Variants in CSRNP3 observed in about 807,000 individuals in gnomAD.
CSRNP3 encodes the protein cysteine/serine-rich nuclear protein 3.
A neutral mutation model predicts 48.0 loss-of-function variants in CSRNP3; 12 were observed. The ratio of observed to expected loss-of-function variants is 0.25; its 90% CI spans 0.16 to 0.41. The LOEUF (loss-of-function observed/expected upper bound fraction) is 0.41, where lower values mean the gene tolerates loss of function less well. Among genes scored for constraint, CSRNP3 ranks in the 10% least tolerant of loss-of-function variants. The pLI, the probability that CSRNP3 is intolerant of heterozygous loss-of-function variation, is 1.00. For synonymous variants in CSRNP3, 263 were observed against 269.7 expected (o/e 0.98, Z 0.24); for missense variants, 580 against 724.4 (o/e 0.80, Z 2.29).
chr2:165,599,784 T>C (rs889227008), intron 4 of CSRNP3, among the ~76,000 whole-genome samples: 1 of 147,270 alleles, frequency 6.8e-6, no homozygotes, highest in African/African-American at 2.4e-5. Flanking sequence ...TCAATGTTTA[T>C]AAACTTTCAG....
chr2:165,621,562 T>C (rs1490708856), intron 4 of CSRNP3, among the ~76,000 whole-genome samples: 2 of 152,168 alleles, frequency 1.3e-5, no homozygotes, highest in Non-Finnish European at 2.9e-5. Context: ...ATATTACTTT[T>C]TAAAAGGAGT....
chr2:165,624,688 C>G (rs1686398770), intron 4 of CSRNP3, among the ~76,000 whole-genome samples: 1 of 152,124 alleles, frequency 6.6e-6, no homozygotes, highest in South Asian at 2.1e-4. Flanking sequence ...GAAAGCAAAG[C>G]ACACTGAGGT....
chr2:165,608,084 A>T (rs1356884484), intron 4 of CSRNP3, among the ~76,000 whole-genome samples: 6 of 150,086 alleles, frequency 4.0e-5, no homozygotes, highest in Non-Finnish European at 3.0e-5. Context: ...TATATATATT[A>T]TATATATATA....
chr2:165,564,619 C>A (rs1685275110), intron 3 of CSRNP3, among the ~76,000 whole-genome samples: 1 of 151,712 alleles, frequency 6.6e-6, no homozygotes, highest in African/African-American at 2.4e-5. Context: ...TTTTTCTATA[C>A]CTATTAGGTG....
At chr2:165,658,131 G>C in intron 5 of CSRNP3, 111 bp downstream of exon 5, 1 of 1,213,686 alleles carries the variant, frequency 8.2e-7, no homozygotes, top group Non-Finnish European at 1.1e-6. Context: ...TTACATAACA[G>C]ACTGCTTGCT....
chr2:165,544,385 A>C (rs73029825), intron 3 of CSRNP3, among the ~76,000 whole-genome samples: 1,752 of 152,274 alleles, frequency 0.012, 32 homozygotes, highest in African/African-American at 0.04. Context: ...ACCTAGTTAT[A>C]TGGTTCTTTT....
chr2:165,624,370 A>T (rs1335548981), intron 4 of CSRNP3, among the ~76,000 whole-genome samples: 1 of 152,236 alleles, frequency 6.6e-6, no homozygotes, highest in Non-Finnish European at 1.5e-5. Flanking sequence ...ATCGCCAAAG[A>T]GGGCTTCCGT....
In CSRNP3 at chr2:165,679,547, T is replaced by C; in HGVS notation, c.1552T>C (p.Leu518=). ...ENDSGVPCNS[L]YPEHRSNHPQ... ...TGATAGCGGTGTGCCCTGCAATAGT[T>C]TATATCCTGAACACAGGTCCAATCA... Residue 518 remains leucine (L), a synonymous_variant, in exon 7 of 7, where the codon TTA becomes CTA. Transcript: ENST00000651982. 1 of 1,613,830 alleles carries C rather than the reference T, an allele frequency of 6.2e-7. No individual in the cohort carries two copies. Among genetic ancestry groups the C allele is most frequent in the Non-Finnish European group, 8.5e-7 (1 of 1,179,956 alleles).
chr2:165,640,766 C>CAGCTTG lies in CSRNP3; in HGVS notation c.149-16981_149-16976dup, dbSNP rs1686710339. On this transcript the variant is annotated intron_variant, in intron 4 of 6. Coordinates refer to ENST00000651982, the MANE Select transcript of CSRNP3 (RefSeq NM_001172173.2). ...GAAGGCAATATAGTGTCAAGATTAA[C>CAGCTTG]AGCTTGAGCTTGAGCTTGACACTGT... 2.0e-5 allele frequency among the ~76,000 whole-genome samples: 3 copies of CAGCTTG among 152,338 alleles called. No individual in the cohort carries two copies. In the South Asian group the frequency reaches 6.2e-4, roughly 32 times the overall value.
intron 2 of CSRNP3, among the ~76,000 whole-genome samples, chr2:165,501,538 G>T (rs1044332622): frequency 4.6e-5 from 7 of 152,096 alleles, no homozygotes; most frequent in Non-Finnish European, 5.9e-5. Flanking sequence ...CCCCCACATT[G>T]CTGAATGGGA....
At chr2:165,503,563 CAT>C (rs1684386180) in intron 2 of CSRNP3, among the ~76,000 whole-genome samples, 1 of 151,872 alleles carries the variant, frequency 6.6e-6, no homozygotes, top group Non-Finnish European at 1.5e-5. Context: ...CATTATCTCA[CAT>C]GATTATTATT....
chr2:165,657,543 C>T (rs1412990042), intron 4 of CSRNP3, among the ~76,000 whole-genome samples: 3 of 152,114 alleles, frequency 2.0e-5, no homozygotes, highest in Non-Finnish European at 2.9e-5. Flanking sequence ...GCACAGTCTA[C>T]CATTATACTT....
At chr2:165,640,572 C>T (rs1286018213) in intron 4 of CSRNP3, among the ~76,000 whole-genome samples, 3 of 152,320 alleles carry the variant, frequency 2.0e-5, no homozygotes, top group South Asian at 2.1e-4. Flanking sequence ...TTACTACTTA[C>T]GTTGCTTCTA....
intron 4 of CSRNP3, among the ~76,000 whole-genome samples, chr2:165,642,657 G>T (rs1234730390): frequency 6.6e-6 from 1 of 151,528 alleles, no homozygotes; most frequent in Non-Finnish European, 1.5e-5. Context: ...CCGCCTCCCA[G>T]GTTCAAGAGA....
chr2:165,545,526 A>T (rs1685013292), intron 3 of CSRNP3, among the ~76,000 whole-genome samples: 1 of 152,166 alleles, frequency 6.6e-6, no homozygotes, highest in African/African-American at 2.4e-5. Context: ...CATTATGAAC[A>T]GTTCAAAAAG....
intron 4 of CSRNP3, among the ~76,000 whole-genome samples, chr2:165,638,564 T>C (rs1686671860): frequency 6.6e-6 from 1 of 152,222 alleles, no homozygotes; most frequent in Admixed American, 6.5e-5. Context: ...GAAGATGCTT[T>C]CTGAAAATGT....
At chr2:165,518,422 A>C (rs6432834) in intron 3 of CSRNP3, among the ~76,000 whole-genome samples, 36,894 of 151,796 alleles carry the variant, frequency 0.24, 4,760 homozygotes, top group East Asian at 0.38. Flanking sequence ...CTACAGCCAA[A>C]TAAATAATGC....
intron 4 of CSRNP3, among the ~76,000 whole-genome samples, chr2:165,637,159 C>T (rs886940491): frequency 6.6e-6 from 1 of 152,104 alleles, no homozygotes; most frequent in East Asian, 1.9e-4. Flanking sequence ...ATAGCCAGAA[C>T]TCATAAAATA....
At chr2:165,592,055 T>G (rs1307462664) in intron 3 of CSRNP3, among the ~76,000 whole-genome samples, 1 of 152,210 alleles carries the variant, frequency 6.6e-6, no homozygotes, top group African/African-American at 2.4e-5. Context: ...GGAGGGGAGC[T>G]GTACCCTGCA....
Sources: allele counts gnomAD v4.1 joint callset (sites outside exome capture counted in the v4.1 genomes callset), GRCh38; gene constraint gnomAD v4.1.1; transcripts MANE v1.5; gene names NCBI Gene and HGNC (gene_info 2026-07-23, HGNC 2026-07-21).